Variants in CELF4 observed in about 807,000 individuals in gnomAD.
CELF4 encodes CUGBP Elav-like family member 4, also known as CUG-BP- and ETR-3-like factor 4.
A neutral mutation model predicts 59.9 loss-of-function variants in CELF4; 18 were observed. The observed-to-expected ratio is 0.30, with a 90% CI of 0.21 to 0.45. The LOEUF is 0.45. CELF4 is among the 20% of genes least tolerant of loss of function. The probability of loss-of-function intolerance (pLI) is 1.00; values close to 1 mark genes in which losing one functional copy is unlikely to be tolerated. For missense variants in CELF4, 456 were observed against 689.0 expected (o/e 0.66, Z 3.79); for synonymous variants, 261 against 267.1 (o/e 0.98, Z 0.22).
In CELF4 at chr18:37,479,276, T is replaced by A. The variant is rs143111108; in HGVS notation, c.369+6249A>T. Among the ~76,000 whole-genome samples, 618 of 152,332 alleles carry A rather than the reference T, an allele frequency of 4.1e-3. 5 individuals are homozygous for A. Among genetic ancestry groups the A allele is most frequent in the African/African-American group, 0.014 (593 of 41,580 alleles). Reference sequence around the variant, plus strand: ...AGGACCTTTGGGCTTGTTCCCTGAATGAATGAGAACCAGCAAGTAAGGGAG... The same window carrying A: ...AGGACCTTTGGGCTTGTTCCCTGAAAGAATGAGAACCAGCAAGTAAGGGAG... On this transcript the variant is annotated intron_variant, in intron 2 of 12. Transcript: ENST00000420428.
At chr18:37,373,011 C>T (rs55762668) in intron 2 of CELF4, among the ~76,000 whole-genome samples, 2,292 of 152,236 alleles carry the variant, frequency 0.015, 60 homozygotes, top group African/African-American at 0.053. Flanking sequence ...CCTTACACTC[C>T]CTTTACCTGG....
chr18:37,346,579 T>G (rs1254117260), intron 2 of CELF4, among the ~76,000 whole-genome samples: 1 of 152,112 alleles, frequency 6.6e-6, no homozygotes, highest in African/African-American at 2.4e-5. Context: ...ACATGAGCCA[T>G]GTTCAGTTAG....
chr18:37,529,375 C>G (rs192013060), intron 1 of CELF4, among the ~76,000 whole-genome samples: 6 of 152,278 alleles, frequency 3.9e-5, no homozygotes, highest in South Asian at 2.1e-4. Flanking sequence ...CTGCATGGGT[C>G]GAGGTGCTTA....
intron 1 of CELF4, among the ~76,000 whole-genome samples, chr18:37,513,207 C>T (rs375599081): frequency 1.6e-4 from 24 of 152,172 alleles, no homozygotes; most frequent in Non-Finnish European, 2.9e-4. Flanking sequence ...CAATATGGGT[C>T]GCTTTGTCTT....
intron 2 of CELF4, among the ~76,000 whole-genome samples, chr18:37,470,976 G>A (rs1039577375): frequency 2.7e-5 from 4 of 150,512 alleles, no homozygotes; most frequent in African/African-American, 7.3e-5. Flanking sequence ...AAATCCCTAC[G>A]TGTGGTAGTG....
chr18:37,350,610 G>A (rs1039457500), intron 2 of CELF4, among the ~76,000 whole-genome samples: 1 of 152,186 alleles, frequency 6.6e-6, no homozygotes, highest in Non-Finnish European at 1.5e-5. Context: ...CCAAGGTGGG[G>A]TTGCTCTGTT....
At chr18:37,273,717 A>G (rs1418068416) in intron 6 of CELF4, 1 of 987,300 alleles carries the variant, frequency 1.0e-6, no homozygotes, top group Non-Finnish European at 1.2e-6. Flanking sequence ...GCATTTTCAG[A>G]CCCAGAACCG....
intron 2 of CELF4, among the ~76,000 whole-genome samples, chr18:37,459,360 T>TA (rs56724745): frequency 0.18 from 27,444 of 152,218 alleles, 3,003 homozygotes; most frequent in South Asian, 0.33. Flanking sequence ...ATGGTCTGTG[T>TA]AGGTAACTCT....
At chr18:37,328,007 G>C (rs766612826) in intron 2 of CELF4, among the ~76,000 whole-genome samples, 3 of 152,200 alleles carry the variant, frequency 2.0e-5, no homozygotes, top group African/African-American at 4.8e-5. Context: ...TCTCATGCGT[G>C]TGTGCATGTG....
At chr18:37,470,887 T>TGTGTGTGAGAGAGAGAGAGAGAGAGA (rs1325788685) in intron 2 of CELF4, among the ~76,000 whole-genome samples, 19 of 71,924 alleles carry the variant, frequency 2.6e-4, no homozygotes, top group Non-Finnish European at 3.5e-4. Context: ...TGTGTGTGTG[T>TGTGTGTGAGAGAGAGAGAGAGAGAGA]GACAGAGAGA....
intron 1 of CELF4, among the ~76,000 whole-genome samples, chr18:37,512,568 A>G (rs2099945684): frequency 7.0e-6 from 1 of 143,592 alleles, no homozygotes; most frequent in Non-Finnish European, 1.5e-5. Context: ...TCCACCCTTT[A>G]TCTTGACACC....
chr18:37,311,838 G>A lies in CELF4; in HGVS notation c.448+9965C>T, dbSNP rs530639900. Among the ~76,000 whole-genome samples the A allele has an allele frequency of 4.1e-5, 6 of 146,342 alleles. No homozygotes were observed. In the East Asian group the frequency reaches 1.1e-3, roughly 26 times the overall value. On this transcript the variant is annotated intron_variant, in intron 3 of 12. Transcript: ENST00000420428. ...CAGAAGGAACAGGGATCGTCCGGGC[G>A]CGGTGGCTTATGCCTATAATCCCAG...
chr18:37,367,158 G>A (rs565037213), intron 2 of CELF4, among the ~76,000 whole-genome samples: 5 of 152,272 alleles, frequency 3.3e-5, no homozygotes, highest in African/African-American at 1.2e-4. Context: ...TTTGCAGGAG[G>A]AAGAGGAGGA....
intron 2 of CELF4, among the ~76,000 whole-genome samples, chr18:37,367,285 AAG>A (rs1388848820): frequency 6.6e-6 from 1 of 151,922 alleles, no homozygotes; most frequent in African/African-American, 2.4e-5. Flanking sequence ...GTGTTAGTCA[AAG>A]AGAGGGGGTG....
chr18:37,433,442 T>A (rs1439481014), intron 2 of CELF4, among the ~76,000 whole-genome samples: 1 of 152,194 alleles, frequency 6.6e-6, no homozygotes, highest in Admixed American at 6.5e-5. Context: ...CCAACTACAC[T>A]GAATGTTGCT....
intron 1 of CELF4, among the ~76,000 whole-genome samples, chr18:37,509,022 C>T (rs1268586519): frequency 6.6e-6 from 1 of 152,210 alleles, no homozygotes; most frequent in Non-Finnish European, 1.5e-5. Context: ...CAGCTCAAAG[C>T]CCCATCTCGA....
intron 1 of CELF4, among the ~76,000 whole-genome samples, chr18:37,503,590 T>C (rs1158655484): frequency 6.6e-6 from 1 of 152,218 alleles, no homozygotes; most frequent in Non-Finnish European, 1.5e-5. Flanking sequence ...GCATCTGTTT[T>C]CTGAGACTCA....
At chr18:37,490,849 GC>G (rs2099900972) in intron 1 of CELF4, among the ~76,000 whole-genome samples, 2 of 152,148 alleles carry the variant, frequency 1.3e-5, no homozygotes, top group Non-Finnish European at 2.9e-5. Context: ...ACCCTGAGCT[GC>G]CCCCTTTCCT....
chr18:37,328,825 A>G (rs1236169856), intron 2 of CELF4, among the ~76,000 whole-genome samples: 1 of 152,182 alleles, frequency 6.6e-6, no homozygotes, highest in Non-Finnish European at 1.5e-5. Flanking sequence ...CGCACGCTAG[A>G]GCTCACTGTG....
Sources: allele counts gnomAD v4.1 joint callset (sites outside exome capture counted in the v4.1 genomes callset), GRCh38; gene constraint gnomAD v4.1.1; transcripts MANE v1.5; gene names NCBI Gene and HGNC (gene_info 2026-07-23, HGNC 2026-07-21).